The following HMGB1 variants were observed in gnomAD, a reference collection of about 807,000 sequenced individuals.
HMGB1 encodes the protein high mobility group box 1.
For missense variants in HMGB1, 79 were observed against 253.5 expected (o/e 0.31, Z 4.67); for synonymous variants, 81 against 84.0 (o/e 0.96, Z 0.19).
chr13:30,611,249 G>C (rs929514809), intron 1 of HMGB1, among the ~76,000 whole-genome samples: 2 of 152,132 alleles, frequency 1.3e-5, no homozygotes, highest in African/African-American at 4.8e-5. Context: ...GGAGTGCAGT[G>C]GTGCGATCTT....
At position 30,456,770 on chromosome 13, in the gene HMGB1, G is replaced by A. The variant is rs543815299; in HGVS notation, c.*4587C>T. On this transcript the variant is annotated 3_prime_UTR_variant, in exon 5 of 5. Coordinates refer to ENST00000341423, the MANE Select transcript of HMGB1 (RefSeq NM_002128.7). The stretch of plus-strand genomic sequence containing the variant: ...AACAGCTTTTGTGGGCGGGGGGGGG[G>A]GGTGGTGGGGTGCAATTTATCAACA... 9.9e-6 allele frequency: 1 copy of A among 101,016 alleles called. No individual in the cohort carries two copies. Among genetic ancestry groups the A allele is most frequent in the African/African-American group, 3.9e-5 (1 of 25,484 alleles). 6.3% of individuals were successfully genotyped at this position (101,016 alleles called of 1,614,324 possible). A position where few individuals can be genotyped will look rare whatever the true frequency, so the allele number is the denominator to read the frequency against.
chr13:30,600,629 G>A (rs147172240), intron 1 of HMGB1, among the ~76,000 whole-genome samples: 3 of 151,890 alleles, frequency 2.0e-5, no homozygotes, highest in African/African-American at 7.2e-5. Flanking sequence ...TTCCTGAGAC[G>A]GAGTTTTGCT....
At chr13:30,548,149 C>T (rs1388238207) in intron 1 of HMGB1, among the ~76,000 whole-genome samples, 1 of 152,070 alleles carries the variant, frequency 6.6e-6, no homozygotes, top group Admixed American at 6.5e-5. Context: ...CCCATAATCC[C>T]CACGTGTTGT....
rs1886503905 is a variant in HMGB1, at chr13:30,463,703, TAAAA to T, written c.-14-13_-14-10del. ...CATGTTTAGTTATTTTTCTAAAAAATAAAATAAATATTTGATGTTAGCAATAAAA... is the reference window on the plus strand; with the variant it reads ...CATGTTTAGTTATTTTTCTAAAAAATTAAATATTTGATGTTAGCAATAAAA... On this transcript the variant is annotated splice_polypyrimidine_tract_variant and intron_variant, in intron 1 of 4. Transcript: ENST00000341423. The T allele has an allele frequency of 2.7e-6, 4 of 1,507,822 alleles. No individual in the cohort carries two copies. Among genetic ancestry groups the T allele is most frequent in the African/African-American group, 1.4e-5 (1 of 71,356 alleles). 93.4% of individuals were successfully genotyped at this position (1,507,822 alleles called of 1,614,324 possible).
chr13:30,474,491 G>A (rs1159129450), intron 1 of HMGB1, among the ~76,000 whole-genome samples: 4 of 152,164 alleles, frequency 2.6e-5, no homozygotes, highest in Admixed American at 6.6e-5. Flanking sequence ...CTGGAGAGCC[G>A]GGGGTGACCG....
chr13:30,605,550 G>C (rs1249732205), intron 1 of HMGB1, among the ~76,000 whole-genome samples: 2 of 152,204 alleles, frequency 1.3e-5, no homozygotes, highest in African/African-American at 2.4e-5. Flanking sequence ...AGGACCACCA[G>C]GTCTGGCAAC....
intron 1 of HMGB1, among the ~76,000 whole-genome samples, chr13:30,483,513 G>A (rs929392964): frequency 2.0e-5 from 3 of 152,094 alleles, no homozygotes; most frequent in Admixed American, 1.3e-4. Flanking sequence ...AGGAAACTCC[G>A]AGTGACGTTT....
intron 1 of HMGB1, among the ~76,000 whole-genome samples, chr13:30,599,720 T>C (rs1775229543): frequency 2.0e-5 from 3 of 152,186 alleles, no homozygotes; most frequent in African/African-American, 7.2e-5. Flanking sequence ...ATAAAGATAC[T>C]AGTCATATTG....
upstream of HMGB1, among the ~76,000 whole-genome samples, chr13:30,466,625 GCATT>G (rs1886796328): frequency 1.3e-5 from 2 of 152,324 alleles, no homozygotes; most frequent in South Asian, 4.1e-4. Flanking sequence ...CAGTGAGCAG[GCATT>G]CAGTTTCACC....
In HMGB1 at chr13:30,465,933, CAT is replaced by C; in HGVS notation, c.-154_-153del. On this transcript the variant is annotated 5_prime_UTR_variant, in exon 1 of 5. It removes an upstream start codon present in the reference 5' UTR. Transcript: ENST00000341423. Reference sequence around the variant, plus strand: ...CCTCCTCACTCTCTCCGCTCTGTAACATTACTCTCCAGCCAGCGCGGCTCCTA... The same window carrying C: ...CCTCCTCACTCTCTCCGCTCTGTAACTACTCTCCAGCCAGCGCGGCTCCTA... 1.0e-6 allele frequency: 1 copy of C among 986,132 alleles called. No individual in the cohort carries two copies. Among genetic ancestry groups the C allele is most frequent in the Non-Finnish European group, 1.2e-6 (1 of 830,164 alleles). The allele number at this position is 986,132 out of a possible 1,614,324, so 61.1% of individuals were successfully genotyped here. A position where few individuals can be genotyped will look rare whatever the true frequency, so the allele number is the denominator to read the frequency against.
intron 1 of HMGB1, among the ~76,000 whole-genome samples, chr13:30,482,302 T>C (rs944732107): frequency 6.6e-6 from 1 of 152,096 alleles, no homozygotes; most frequent in African/African-American, 2.4e-5. Flanking sequence ...AAAGATTAAA[T>C]AAAACAAAAA....
intron 1 of HMGB1, among the ~76,000 whole-genome samples, chr13:30,504,993 G>C (rs9579590): frequency 0.64 from 97,489 of 151,724 alleles, 33,066 homozygotes; most frequent in Middle Eastern, 0.77. Context: ...CTTTTTGAGA[G>C]AGAGTCTCAC....
intron 1 of HMGB1, among the ~76,000 whole-genome samples, chr13:30,479,437 T>C (rs1887178049): frequency 6.6e-6 from 1 of 152,198 alleles, no homozygotes; most frequent in Non-Finnish European, 1.5e-5. Flanking sequence ...CCGATTTCAC[T>C]ACCTGCAGAA....
At chr13:30,531,509 CGTGTGTGTGTGTGTGTGTGT>C (rs376387192) in intron 1 of HMGB1, among the ~76,000 whole-genome samples, 151 of 135,666 alleles carry the variant, frequency 1.1e-3, no homozygotes, top group African/African-American at 3.6e-3. Flanking sequence ...GTAACATATA[CGTGTGTGTGTGTGTGTGTGT>C]GTGTGTGTGT....
intron 1 of HMGB1, among the ~76,000 whole-genome samples, chr13:30,533,017 C>T (rs528633630): frequency 6.6e-6 from 1 of 152,298 alleles, no homozygotes; most frequent in South Asian, 2.1e-4. Context: ...TAGAGTATCA[C>T]AATAGCTTCA....
chr13:30,599,746 T>C (rs2137562153), intron 1 of HMGB1, among the ~76,000 whole-genome samples: 1 of 152,270 alleles, frequency 6.6e-6, no homozygotes, highest in African/African-American at 2.4e-5. Flanking sequence ...GGGTCCACCA[T>C]AAAGACCTCA....
At chr13:30,505,753 A>C (rs1250888375) in intron 1 of HMGB1, among the ~76,000 whole-genome samples, 2 of 152,200 alleles carry the variant, frequency 1.3e-5, no homozygotes, top group African/African-American at 4.8e-5. Context: ...AGTGTGAAGC[A>C]ATGATTTCAT....
chr13:30,519,898 T>C (rs912177917), intron 1 of HMGB1, among the ~76,000 whole-genome samples: 1 of 152,242 alleles, frequency 6.6e-6, no homozygotes, highest in African/African-American at 2.4e-5. Flanking sequence ...AGATGATGCT[T>C]CCTTATCACT....
chr13:30,525,756 G>A (rs1343365845), intron 1 of HMGB1, among the ~76,000 whole-genome samples: 2 of 151,300 alleles, frequency 1.3e-5, no homozygotes, highest in African/African-American at 4.9e-5. Context: ...GAACTCACTC[G>A]CTACCATAAG....
Sources: gnomAD v4.1 joint callset for allele counts (sites outside exome capture counted in the v4.1 genomes callset) on GRCh38, gnomAD v4.1.1 for gene constraint, MANE v1.5 for transcripts, NCBI Gene and HGNC (gene_info 2026-07-23, HGNC 2026-07-21) for gene names.